The following TMTC3 variants were observed in gnomAD, a reference collection of about 807,000 sequenced individuals.
TMTC3 encodes transmembrane O-mannosyltransferase targeting cadherins 3.
In TMTC3, 52 loss-of-function variants were observed where a neutral mutation model predicts 92.2. The ratio of observed to expected loss-of-function variants is 0.56; its 90% CI spans 0.45 to 0.71. The LOEUF (loss-of-function observed/expected upper bound fraction) is 0.71, where lower values mean the gene tolerates loss of function less well. Among genes scored for constraint, TMTC3 ranks in the 30% least tolerant of loss-of-function variants. The probability of loss-of-function intolerance (pLI) is 0.00; values close to 1 mark genes in which losing one functional copy is unlikely to be tolerated. For synonymous variants in TMTC3, 339 were observed against 363.3 expected, an observed-to-expected ratio of 0.93 and a Z score of 0.76; for missense variants, 896 against 1,057.1, an observed-to-expected ratio of 0.85 and a Z score of 2.11.
At chr12:88,185,131 C>T (rs192897442) in intron 10 of TMTC3, among the ~76,000 whole-genome samples, 101 of 152,132 alleles carry the variant, frequency 6.6e-4, no homozygotes, top group Non-Finnish European at 7.8e-4. Context: ...TGATAAGTTT[C>T]GGCATATGTA....
At position 88,198,365 on chromosome 12, in the gene TMTC3, C is replaced by G. The variant is rs921925888; in HGVS notation, c.*2716C>G. 2.5e-6 allele frequency: 1 copy of G among 397,920 alleles called. No individual in the cohort carries two copies. The highest frequency in any genetic ancestry group is 2.1e-5 in the African/African-American group (1 of 48,578). 24.6% of individuals were successfully genotyped at this position (397,920 alleles called of 1,614,324 possible). A position where few individuals can be genotyped will look rare whatever the true frequency, so the allele number is the denominator to read the frequency against. ...TGCTGGTGAATGGATAGTTTTAATT[C>G]TCACTGTCTCAAAAGAGAATCAGCT... On this transcript the variant is annotated 3_prime_UTR_variant, in exon 14 of 14. Coordinates refer to ENST00000266712, the MANE Select transcript of TMTC3 (RefSeq NM_181783.4).
At position 88,177,560 on chromosome 12, in the gene TMTC3, A is replaced by G. The variant is rs544469545; in HGVS notation, c.1432+1241A>G. Among the ~76,000 whole-genome samples, 3 of 152,302 alleles carry G rather than the reference A, an allele frequency of 2.0e-5. No homozygotes were observed. The South Asian group carries it at 6.2e-4, about 32-fold the overall frequency. On this transcript the variant is annotated intron_variant, in intron 10 of 13. Coordinates refer to ENST00000266712, the MANE Select transcript of TMTC3 (RefSeq NM_181783.4). Reference sequence around the variant, plus strand: ...AAAGGTAACAAGATCAGTGGATCTGAGGAATTGTTGGTTTCTGAGTAGGAT... The same window carrying G: ...AAAGGTAACAAGATCAGTGGATCTGGGGAATTGTTGGTTTCTGAGTAGGAT...
chr12:88,143,753 C>T (rs1592716673), intron 1 of TMTC3, among the ~76,000 whole-genome samples: 1 of 152,134 alleles, frequency 6.6e-6, no homozygotes, highest in African/African-American at 2.4e-5. Flanking sequence ...GATCTGGACC[C>T]CAGGAGAGGG....
chr12:88,143,446 C>T (rs2040809822), intron 1 of TMTC3, among the ~76,000 whole-genome samples: 2 of 152,126 alleles, frequency 1.3e-5, no homozygotes, highest in South Asian at 4.1e-4. Context: ...CTTACATTGT[C>T]CTCATTTTCC....
At chr12:88,157,479 A>G (rs7296799) in intron 4 of TMTC3, among the ~76,000 whole-genome samples, 10,538 of 152,018 alleles carry the variant, frequency 0.069, 1,244 homozygotes, top group African/African-American at 0.24. Context: ...TTCTGCTTAA[A>G]TATCCACTTA....
intron 1 of TMTC3, among the ~76,000 whole-genome samples, chr12:88,144,889 C>T (rs2040853862): frequency 6.6e-6 from 1 of 152,118 alleles, no homozygotes; most frequent in Admixed American, 6.5e-5. Context: ...TATTATTTTT[C>T]GTCAGATTTT....
intron 10 of TMTC3, among the ~76,000 whole-genome samples, chr12:88,178,817 G>A (rs1335309967): frequency 6.6e-6 from 1 of 152,170 alleles, no homozygotes; most frequent in African/African-American, 2.4e-5. Flanking sequence ...AGGCCCCTCA[G>A]ACTCTTCTTT....
rs1175136241 is a variant in TMTC3, at chr12:88,199,462, A to G, written c.*3813A>G. The G allele has an allele frequency of 6.6e-6, 1 of 152,096 alleles. No homozygotes were observed. The highest frequency in any genetic ancestry group is 1.5e-5 in the Non-Finnish European group (1 of 67,988). The allele number at this position is 152,096 out of a possible 1,614,324, so 9.4% of individuals were successfully genotyped here. A position where few individuals can be genotyped will look rare whatever the true frequency, so the allele number is the denominator to read the frequency against. On this transcript the variant is annotated 3_prime_UTR_variant, in exon 14 of 14. Coordinates refer to ENST00000266712, the MANE Select transcript of TMTC3 (RefSeq NM_181783.4). Reference sequence around the variant, plus strand: ...AAATATTAGTTATTAGTATAAACATAAGGCTTAAAGTCTTGGATTTGATGC... The same window carrying G: ...AAATATTAGTTATTAGTATAAACATGAGGCTTAAAGTCTTGGATTTGATGC...
At chr12:88,155,779 T>G (rs1025432030) in intron 4 of TMTC3, among the ~76,000 whole-genome samples, 1 of 152,212 alleles carries the variant, frequency 6.6e-6, no homozygotes. Flanking sequence ...GATTTCTTAT[T>G]CTTTACAATT....
chr12:88,195,815 A>G lies in TMTC3; in HGVS notation c.*166A>G, dbSNP rs925787994. 2 of 545,544 alleles carry G rather than the reference A, an allele frequency of 3.7e-6. No homozygotes were observed. The highest frequency in any genetic ancestry group is 6.3e-6 in the Non-Finnish European group (2 of 316,154). The allele number at this position is 545,544 out of a possible 1,614,324, so 33.8% of individuals were successfully genotyped here. A position where few individuals can be genotyped will look rare whatever the true frequency, so the allele number is the denominator to read the frequency against. On this transcript the variant is annotated 3_prime_UTR_variant, in exon 14 of 14. Transcript: ENST00000266712. ...TTTCATTAAAGACCTGTATTATCCC[A>G]GGATGTATATTATGTATCGCTGTTT...
intron 10 of TMTC3, among the ~76,000 whole-genome samples, chr12:88,184,879 G>A (rs940585206): frequency 2.0e-5 from 3 of 152,204 alleles, no homozygotes; most frequent in African/African-American, 4.8e-5. Context: ...AAAGGGCATA[G>A]AGATTAGAAA....
rs116775701 is a variant in TMTC3, at chr12:88,194,293, C to T, written c.1934-545C>T. ...ATATTTAATGGTATGTTTTTGTCCT[C>T]GAAACATTCCTAAAACTTTGAAGTA... On this transcript the variant is annotated intron_variant, in intron 13 of 13. Coordinates refer to ENST00000266712, the MANE Select transcript of TMTC3 (RefSeq NM_181783.4). Among the ~76,000 whole-genome samples, 1,047 of 152,144 alleles carry T rather than the reference C, an allele frequency of 6.9e-3. 17 individuals carry two copies. Among genetic ancestry groups the T allele is most frequent in the African/African-American group, 0.024 (1,008 of 41,504 alleles).
chr12:88,190,029 C>T (rs2041424774), intron 11 of TMTC3, among the ~76,000 whole-genome samples: 1 of 151,972 alleles, frequency 6.6e-6, no homozygotes, highest in African/African-American at 2.4e-5. Context: ...CCAGCTTAAG[C>T]TATTTTTTCT....
At chr12:88,189,482 G>T (rs2041419216) in intron 11 of TMTC3, among the ~76,000 whole-genome samples, 1 of 152,022 alleles carries the variant, frequency 6.6e-6, no homozygotes, top group Admixed American at 6.6e-5. Context: ...TTGATTATGA[G>T]TTATCAGCAA....
At chr12:88,147,424 T>C (rs969033481) in intron 1 of TMTC3, among the ~76,000 whole-genome samples, 1 of 152,176 alleles carries the variant, frequency 6.6e-6, no homozygotes, top group Non-Finnish European at 1.5e-5. Flanking sequence ...AAGGTAGATA[T>C]CCTGAGTTGT....
intron 1 of TMTC3, among the ~76,000 whole-genome samples, chr12:88,146,151 T>C (rs1592719077): frequency 6.6e-6 from 1 of 152,120 alleles, no homozygotes. Context: ...CCCTGCAACC[T>C]CTACTTTGCA....
At chr12:88,152,334 C>A (rs1470022532) in intron 2 of TMTC3, among the ~76,000 whole-genome samples, 1 of 151,930 alleles carries the variant, frequency 6.6e-6, no homozygotes, top group Non-Finnish European at 1.5e-5. Context: ...TTTTAAGCAA[C>A]CAGCTTTCAC....
Position 88,190,460 on chromosome 12 carries a change from CT to C in TMTC3, c.1545del (p.Gly516ValfsTer13). ...MAKSLMPQII[P>X]GKKYAARIAP... ...GCCTTTTCTTCTAAACAGATTATTC[CT>C]GGTAAAAAATATGCAGCCAGAATTG... On this transcript the variant is annotated frameshift_variant, in exon 12 of 14. Transcript: ENST00000266712. LOFTEE classifies it high-confidence loss of function. 1 of 1,612,808 alleles carries C rather than the reference CT, an allele frequency of 6.2e-7. No homozygotes were observed. Among genetic ancestry groups the C allele is most frequent in the Non-Finnish European group, 8.5e-7 (1 of 1,179,400 alleles).
At chr12:88,173,126 T>G in intron 8 of TMTC3, 2 of 1,185,680 alleles carry the variant, frequency 1.7e-6, no homozygotes, top group Non-Finnish European at 2.1e-6. Context: ...AAAATGCATA[T>G]AGTAAGCAAT....
Sources: gnomAD v4.1 joint callset for allele counts (sites outside exome capture counted in the v4.1 genomes callset) on GRCh38, gnomAD v4.1.1 for gene constraint, MANE v1.5 for transcripts, NCBI Gene and HGNC (gene_info 2026-07-23, HGNC 2026-07-21) for gene names.